The following ACER3 variants were observed in gnomAD, a reference collection of about 807,000 sequenced individuals.
ACER3 encodes the protein alkaline ceramidase 3.
A neutral mutation model predicts 48.9 loss-of-function variants in ACER3; 16 were observed. That is an observed-to-expected ratio of 0.33 (90% CI 0.22 to 0.50). ACER3 has a LOEUF of 0.50. ACER3 is among the 20% of genes least tolerant of loss of function. The probability of loss-of-function intolerance (pLI) is 0.98; values close to 1 mark genes in which losing one functional copy is unlikely to be tolerated. For synonymous variants in ACER3, 109 were observed against 107.8 expected, an observed-to-expected ratio of 1.01 and a Z score of -0.07; for missense variants, 227 against 326.0, an observed-to-expected ratio of 0.70 and a Z score of 2.34.
At chr11:77,006,054 A>G (rs1949142072) in intron 7 of ACER3, among the ~76,000 whole-genome samples, 1 of 134,648 alleles carries the variant, frequency 7.4e-6, no homozygotes, top group South Asian at 2.4e-4. Context: ...CAGTGGCGCG[A>G]TCTTGGCTCA....
intron 1 of ACER3, among the ~76,000 whole-genome samples, chr11:76,872,989 G>T (rs748812958): frequency 8.8e-5 from 11 of 125,064 alleles, no homozygotes; most frequent in Non-Finnish European, 1.7e-4. Context: ...ATAGCTTACT[G>T]TAACCTCAAA....
chr11:76,983,411 G>A (rs1294234126), intron 4 of ACER3, among the ~76,000 whole-genome samples: 1 of 152,036 alleles, frequency 6.6e-6, no homozygotes, highest in Non-Finnish European at 1.5e-5. Flanking sequence ...CCTCATCCCA[G>A]GCTCAAGCCA....
intron 6 of ACER3, among the ~76,000 whole-genome samples, chr11:76,992,364 C>A (rs1475210790): frequency 1.3e-5 from 2 of 152,084 alleles, no homozygotes; most frequent in Non-Finnish European, 2.9e-5. Context: ...AGTTTTATGA[C>A]CATCTGTTTT....
At chr11:76,888,982 A>G (rs773048776) in intron 1 of ACER3, among the ~76,000 whole-genome samples, 2 of 152,164 alleles carry the variant, frequency 1.3e-5, no homozygotes, top group African/African-American at 2.4e-5. Context: ...TTTACTTTTT[A>G]CCCTGTAACC....
Position 77,020,867 on chromosome 11 carries a change from T to C in ACER3, c.*540T>C, listed in dbSNP as rs1446660063. On this transcript the variant is annotated 3_prime_UTR_variant, in exon 11 of 11. Transcript: ENST00000532485. ...AGAGAGAAAGAGAGAGAGCTAGCTGTGGGATTCTGTGTAGTTCTTCACTAT... is the reference window on the plus strand; with the variant it reads ...AGAGAGAAAGAGAGAGAGCTAGCTGCGGGATTCTGTGTAGTTCTTCACTAT... 6.5e-6 allele frequency: 1 copy of C among 154,302 alleles called. No homozygotes were observed. The highest frequency in any genetic ancestry group is 2.4e-5 in the African/African-American group (1 of 41,460). The allele number at this position is 154,302 out of a possible 1,614,324, so 9.6% of individuals were successfully genotyped here. A position where few individuals can be genotyped will look rare whatever the true frequency, so the allele number is the denominator to read the frequency against.
chr11:76,911,182 G>C (rs1292807408), intron 1 of ACER3, among the ~76,000 whole-genome samples: 1 of 152,124 alleles, frequency 6.6e-6, no homozygotes, highest in African/African-American at 2.4e-5. Flanking sequence ...CAACCCTGAG[G>C]GCTGCTGGTT....
chr11:77,014,932 A>G, intron 7 of ACER3, 84 bp from the exon 8 acceptor site: 1 of 827,298 alleles, frequency 1.2e-6, no homozygotes, highest in Non-Finnish European at 2.1e-6. Flanking sequence ...CCTTATAAAA[A>G]AGGAAGAAAG....
chr11:76,996,006 C>T (rs1333118538), intron 6 of ACER3, among the ~76,000 whole-genome samples: 1 of 152,080 alleles, frequency 6.6e-6, no homozygotes, highest in Non-Finnish European at 1.5e-5. Flanking sequence ...TCAAACTGAA[C>T]GTATATGCAG....
chr11:76,966,135 CA>C (rs1948131661), intron 3 of ACER3, among the ~76,000 whole-genome samples: 2 of 151,660 alleles, frequency 1.3e-5, no homozygotes, highest in South Asian at 4.2e-4. Context: ...AAATGGAAAA[CA>C]AAAAAAGGCA....
chr11:76,881,733 A>G (rs1945532107), intron 1 of ACER3, among the ~76,000 whole-genome samples: 1 of 152,174 alleles, frequency 6.6e-6, no homozygotes, highest in Non-Finnish European at 1.5e-5. Flanking sequence ...AAAAGGAAAC[A>G]TACTGTCTTT....
intron 2 of ACER3, among the ~76,000 whole-genome samples, chr11:76,928,046 A>T (rs1198287276): frequency 1.3e-5 from 2 of 152,110 alleles, no homozygotes; most frequent in African/African-American, 2.4e-5. Flanking sequence ...ACTGTCTTCC[A>T]CCATGGTTGA....
At chr11:77,006,132 G>A (rs895849416) in intron 7 of ACER3, among the ~76,000 whole-genome samples, 6 of 150,742 alleles carry the variant, frequency 4.0e-5, no homozygotes, top group African/African-American at 1.5e-4. Context: ...TGGGATTACA[G>A]GCGCTGCCTC....
intron 1 of ACER3, among the ~76,000 whole-genome samples, chr11:76,899,795 A>G (rs1043781820): frequency 6.6e-6 from 1 of 151,952 alleles, no homozygotes. Flanking sequence ...GTTCTTTCCT[A>G]TTTTTGCACA....
chr11:76,919,566 GA>G (rs1946633614), intron 1 of ACER3, among the ~76,000 whole-genome samples: 1 of 151,936 alleles, frequency 6.6e-6, no homozygotes, highest in Non-Finnish European at 1.5e-5. Flanking sequence ...TTTCCTTCCA[GA>G]AAAAAAGTGT....
chr11:76,959,813 C>G (rs936166147), intron 3 of ACER3, among the ~76,000 whole-genome samples: 1 of 152,050 alleles, frequency 6.6e-6, no homozygotes, highest in Non-Finnish European at 1.5e-5. Context: ...CTCAGCCTCC[C>G]AAAATGCTGA....
chr11:76,911,931 G>C (rs1254354615), intron 1 of ACER3, among the ~76,000 whole-genome samples: 1 of 152,184 alleles, frequency 6.6e-6, no homozygotes, highest in African/African-American at 2.4e-5. Context: ...TTCTTAGAGG[G>C]AAGCTGGGGA....
intron 2 of ACER3, among the ~76,000 whole-genome samples, chr11:76,933,179 T>C (rs1458592407): frequency 6.8e-6 from 1 of 147,356 alleles, no homozygotes; most frequent in Admixed American, 6.8e-5. Context: ...ATTTCATATA[T>C]ATATATATAT....
chr11:77,017,233 A>C (rs1266098110), intron 9 of ACER3, among the ~76,000 whole-genome samples: 3 of 152,142 alleles, frequency 2.0e-5, no homozygotes, highest in African/African-American at 7.2e-5. Context: ...GAATTGACAA[A>C]CCTTAGCAAG....
At chr11:76,871,791 C>G (rs180722471) in intron 1 of ACER3, among the ~76,000 whole-genome samples, 1 of 152,260 alleles carries the variant, frequency 6.6e-6, no homozygotes, top group African/African-American at 2.4e-5. Context: ...CAAGAGACAG[C>G]TTTGCAGGGC....
Sources: allele counts gnomAD v4.1 joint callset (sites outside exome capture counted in the v4.1 genomes callset), GRCh38; gene constraint gnomAD v4.1.1; transcripts MANE v1.5; gene names NCBI Gene and HGNC (gene_info 2026-07-23, HGNC 2026-07-21).